Variants in ABR observed in about 807,000 individuals in gnomAD.
ABR encodes active breakpoint cluster region-related protein.
In ABR, 35 loss-of-function variants were observed where a neutral mutation model predicts 107.2. The observed-to-expected ratio is 0.33, with a 90% CI of 0.25 to 0.43. The LOEUF (loss-of-function observed/expected upper bound fraction) is 0.43, where lower values mean the gene tolerates loss of function less well. Ranked by LOEUF, ABR falls within the 20% of genes least tolerant of loss-of-function variation. The pLI is 1.00. For missense variants in ABR, 815 were observed against 1,115.2 expected, an observed-to-expected ratio of 0.73 and a Z score of 3.83; for synonymous variants, 498 against 462.0, an observed-to-expected ratio of 1.08 and a Z score of -1.00.
At chr17:1,080,170 C>T (rs2036115915) in intron 5 of ABR, among the ~76,000 whole-genome samples, 2 of 152,088 alleles carry the variant, frequency 1.3e-5, no homozygotes, top group African/African-American at 4.8e-5. Flanking sequence ...TGCTGAGCTC[C>T]CCAGGACAGT....
At chr17:1,126,646 G>A (rs976472093) in intron 1 of ABR, 6 of 152,300 alleles carry the variant, frequency 3.9e-5, no homozygotes, top group Non-Finnish European at 7.3e-5. Flanking sequence ...AGGCATCTTC[G>A]GATCTCGCAC....
chr17:1,093,117 G>A (rs962269983), intron 3 of ABR, among the ~76,000 whole-genome samples: 11 of 146,752 alleles, frequency 7.5e-5, no homozygotes, highest in East Asian at 4.7e-4. Context: ...CACCGCGCCC[G>A]GCCAGCCATG....
At chr17:1,187,711 G>A (rs914651823), upstream of ABR, among the ~76,000 whole-genome samples, 2 of 151,782 alleles carry the variant, frequency 1.3e-5, no homozygotes, top group African/African-American at 4.8e-5. Context: ...CCAATATGGT[G>A]TAACCCCATC....
At chr17:1,145,979 T>C (rs1246063922) in intron 1 of ABR, among the ~76,000 whole-genome samples, 2 of 152,174 alleles carry the variant, frequency 1.3e-5, no homozygotes, top group African/African-American at 2.4e-5. Flanking sequence ...GCCTTAAACA[T>C]AATTCTACTG....
At chr17:1,162,507 G>A (rs913829873) in intron 1 of ABR, among the ~76,000 whole-genome samples, 26 of 152,230 alleles carry the variant, frequency 1.7e-4, no homozygotes, top group African/African-American at 3.1e-4. Flanking sequence ...GGCTGTGCAC[G>A]CTCCTGCCCA....
At chr17:1,132,488 C>G (rs1162832409) in intron 1 of ABR, among the ~76,000 whole-genome samples, 2 of 150,596 alleles carry the variant, frequency 1.3e-5, no homozygotes, top group Non-Finnish European at 2.9e-5. Flanking sequence ...AAGCGATTCT[C>G]CCGTCTCAGC....
At chr17:1,088,188 G>A (rs753723945) in intron 4 of ABR, among the ~76,000 whole-genome samples, 1 of 152,116 alleles carries the variant, frequency 6.6e-6, no homozygotes, top group Non-Finnish European at 1.5e-5. Flanking sequence ...GGCCAGGCCT[G>A]TGGAGCCAAG....
At chr17:1,072,244 A>T (rs2035297298) in intron 8 of ABR, among the ~76,000 whole-genome samples, 1 of 152,050 alleles carries the variant, frequency 6.6e-6, no homozygotes, top group South Asian at 2.1e-4. Context: ...CTGGACTTAA[A>T]CTTCTCAGCC....
At chr17:1,030,843 G>A (rs763771904) in intron 16 of ABR, among the ~76,000 whole-genome samples, 8 of 152,256 alleles carry the variant, frequency 5.3e-5, no homozygotes, top group Admixed American at 3.3e-4. Context: ...CAGCTAACTC[G>A]GACAGTTGAT....
chr17:1,031,918 CCCTCCTCCGCATCCCTCCTTCCCCGCCCT>C, intron 16 of ABR: 2 of 1,049,538 alleles, frequency 1.9e-6, no homozygotes, highest in African/African-American at 1.7e-5. Flanking sequence ...CCTCCCTCCT[CCCTCCTCCGCATCCCTCCTTCCCCGCCCT>C]CCGCGAGGCT....
intron 16 of ABR, among the ~76,000 whole-genome samples, chr17:1,035,025 G>A (rs1022147341): frequency 6.6e-6 from 1 of 151,960 alleles, no homozygotes; most frequent in Non-Finnish European, 1.5e-5. Flanking sequence ...CAGATGGGTA[G>A]CCGAGTTGGG....
intron 2 of ABR, 62 bp from the exon 3 acceptor site, chr17:1,100,797 C>T (rs771021076): frequency 1.5e-5 from 23 of 1,495,316 alleles, no homozygotes; most frequent in East Asian, 4.5e-5. Flanking sequence ...CCTGCGTGGA[C>T]GGTCTGCTTC....
rs528347102 is a variant in ABR at position 1,060,186 on chromosome 17, G to A, written c.1183-1319C>T. 2.2e-3 allele frequency among the ~76,000 whole-genome samples: 333 copies of A among 152,278 alleles called. 3 individuals are homozygous for A. The highest frequency in any genetic ancestry group is 7.5e-3 in the African/African-American group (312 of 41,566). On this transcript the variant is annotated intron_variant, in intron 10 of 22. Coordinates refer to ENST00000302538, the MANE Select transcript of ABR (RefSeq NM_021962.5). ...AGCACTTTGGGAGGCCGAGGTGGGC[G>A]GATCGTTTGAGGTCAGGAGTTCGAG...
chr17:1,228,314 C>A (rs1378137035), intron 1 of ABR: 1 of 152,580 alleles, frequency 6.6e-6, no homozygotes, highest in Non-Finnish European at 1.5e-5. Flanking sequence ...GAAGAGGAGA[C>A]TAAGTTCAGA....
intron 1 of ABR, among the ~76,000 whole-genome samples, chr17:1,171,177 GAGT>G (rs2041698460): frequency 1.3e-5 from 2 of 152,248 alleles, no homozygotes; most frequent in African/African-American, 4.8e-5. Context: ...CGGCTGTGAG[GAGT>G]AGATGTTCCC....
intron 1 of ABR, among the ~76,000 whole-genome samples, chr17:1,128,173 C>T (rs2039678775): frequency 6.6e-6 from 1 of 152,172 alleles, no homozygotes; most frequent in South Asian, 2.1e-4. Context: ...TCTGCCCCCA[C>T]AAAACCATGA....
chr17:1,044,797 C>A (rs1006623232), intron 16 of ABR, among the ~76,000 whole-genome samples: 1 of 152,194 alleles, frequency 6.6e-6, no homozygotes, highest in Non-Finnish European at 1.5e-5. Flanking sequence ...TTCGTGCCTC[C>A]CTGCCAGGCG....
At chr17:1,028,882 C>A (rs1328447246) in intron 16 of ABR, among the ~76,000 whole-genome samples, 1 of 152,100 alleles carries the variant, frequency 6.6e-6, no homozygotes, top group East Asian at 1.9e-4. Flanking sequence ...TCTGGACCGG[C>A]CTCCCTTCAG....
At position 1,092,102 on chromosome 17, in the gene ABR, C is replaced by T. The variant is rs1046469352; in HGVS notation, c.346-252G>A. Among the ~76,000 whole-genome samples the T allele has an allele frequency of 2.6e-5, 4 of 152,156 alleles. No homozygotes were observed. Among genetic ancestry groups the T allele is most frequent in the Non-Finnish European group, 4.4e-5 (3 of 68,006 alleles). On this transcript the variant is annotated intron_variant, in intron 3 of 22. Coordinates refer to ENST00000302538, the MANE Select transcript of ABR (RefSeq NM_021962.5). This position sits in a 1 kb window ranked among gnomAD's most constrained non-coding sequence, Gnocchi z 4.6. Reference sequence around the variant, plus strand: ...CGAGGGGTGGTGCCTGGGCTCACTCCCCTACCACGCAGCTGAGCTCAGCAG... The same window carrying T: ...CGAGGGGTGGTGCCTGGGCTCACTCTCCTACCACGCAGCTGAGCTCAGCAG...
Sources: gnomAD v4.1 joint callset for allele counts (sites outside exome capture counted in the v4.1 genomes callset) on GRCh38, gnomAD v4.1.1 for gene constraint, Gnocchi (gnomAD v3.1) non-coding constraint, MANE v1.5 for transcripts, NCBI Gene and HGNC (gene_info 2026-07-23, HGNC 2026-07-21) for gene names.